Variants in RUNX1T1 observed in about 807,000 individuals in gnomAD.
RUNX1T1 encodes RUNX1 partner transcriptional co-repressor 1, also known as protein CBFA2T1.
A neutral mutation model predicts 62.8 loss-of-function variants in RUNX1T1; 4 were observed. That is an observed-to-expected ratio of 0.06 (90% CI 0.03 to 0.15). The LOEUF (loss-of-function observed/expected upper bound fraction) is 0.15. RUNX1T1 is among the 10% of genes least tolerant of loss of function. The pLI, the probability that RUNX1T1 is intolerant of heterozygous loss-of-function variation, is 1.00. For missense variants in RUNX1T1, 508 were observed against 754.3 expected (o/e 0.67, Z 3.82); for synonymous variants, 291 against 286.0 (o/e 1.02, Z -0.18).
chr8:91,997,242 A>G (rs1052525284), intron 5 of RUNX1T1, among the ~76,000 whole-genome samples: 1 of 152,208 alleles, frequency 6.6e-6, no homozygotes, highest in Non-Finnish European at 1.5e-5. Flanking sequence ...AACAGTGTAT[A>G]ACATTCAAGG....
At chr8:92,084,663 T>C (rs1488987341) in intron 1 of RUNX1T1, among the ~76,000 whole-genome samples, 2 of 152,160 alleles carry the variant, frequency 1.3e-5, no homozygotes, top group African/African-American at 4.8e-5. Context: ...GAGTTGGATG[T>C]AATAAATTCT....
chr8:91,960,126 A>C, exon 11 of RUNX1T1: 1 of 1,075,112 alleles, frequency 9.3e-7, no homozygotes, highest in Non-Finnish European at 1.3e-6. Flanking sequence ...GTACTGAAAT[A>C]GGATAATTCA....
chr8:91,997,902 T>C (rs1325223254), intron 5 of RUNX1T1, among the ~76,000 whole-genome samples: 1 of 152,196 alleles, frequency 6.6e-6, no homozygotes, highest in African/African-American at 2.4e-5. Context: ...TTACTTTATT[T>C]TATTCTTATA....
intron 1 of RUNX1T1, among the ~76,000 whole-genome samples, chr8:92,087,965 C>A (rs967572426): frequency 6.6e-6 from 1 of 152,182 alleles, no homozygotes; most frequent in African/African-American, 2.4e-5. Flanking sequence ...CATGAACTGA[C>A]CTACCTACCT....
Position 92,033,547 on chromosome 8 carries a change from C to T in RUNX1T1, c.8-16184G>A, listed in dbSNP as rs75343218. On this transcript the variant is annotated intron_variant, in intron 1 of 10. Coordinates refer to ENST00000396218, the Ensembl canonical transcript of RUNX1T1. ...TGCCTGTAATCTCGGCACTTTCGGA[C>T]GGTGAGGCGGGCTGATCACTTGAGC... is the stretch of plus-strand genomic sequence containing the variant. 1.0e-2 allele frequency among the ~76,000 whole-genome samples: 1,516 copies of T among 152,234 alleles called. 26 individuals are homozygous for T. Among genetic ancestry groups the T allele is most frequent in the African/African-American group, 0.035 (1,446 of 41,528 alleles).
At chr8:92,091,790 T>G (rs1234141250) in intron 1 of RUNX1T1, among the ~76,000 whole-genome samples, 1 of 152,214 alleles carries the variant, frequency 6.6e-6, no homozygotes. Flanking sequence ...CTTAAAAGCA[T>G]ACTTCTTTGG....
At chr8:92,019,440 A>C (rs1274927328) in intron 1 of RUNX1T1, among the ~76,000 whole-genome samples, 1 of 152,054 alleles carries the variant, frequency 6.6e-6, no homozygotes, top group African/African-American at 2.4e-5. Flanking sequence ...AAGTGGGAGT[A>C]ACAAAAAAAT....
intron 1 of RUNX1T1, among the ~76,000 whole-genome samples, chr8:92,027,441 A>G (rs935056567): frequency 9.2e-5 from 14 of 152,204 alleles, no homozygotes; most frequent in African/African-American, 1.2e-4. Flanking sequence ...GGGGAGCAGG[A>G]GGATTGTCTG....
upstream of RUNX1T1, among the ~76,000 whole-genome samples, chr8:92,066,971 G>A (rs1173320674): frequency 6.6e-6 from 1 of 152,176 alleles, no homozygotes; most frequent in African/African-American, 2.4e-5. Flanking sequence ...TTCCTTTGGG[G>A]GAAATGATTG....
At chr8:92,092,341 T>C (rs546978859) in intron 1 of RUNX1T1, among the ~76,000 whole-genome samples, 2 of 152,322 alleles carry the variant, frequency 1.3e-5, no homozygotes, top group South Asian at 4.1e-4. Flanking sequence ...CCAATTTTTC[T>C]CTATGTGGTG....
chr8:91,999,588 T>G (rs1819373262), intron 5 of RUNX1T1, among the ~76,000 whole-genome samples: 1 of 152,132 alleles, frequency 6.6e-6, no homozygotes, highest in Non-Finnish European at 1.5e-5. Flanking sequence ...AGGGTTAGAA[T>G]CCCATTAGGG....
intron 1 of RUNX1T1, among the ~76,000 whole-genome samples, chr8:92,029,368 C>T (rs1825825020): frequency 6.6e-6 from 1 of 152,070 alleles, no homozygotes; most frequent in Admixed American, 6.6e-5. Flanking sequence ...CAAGATAGAA[C>T]ACAGGCATTC....
chr8:92,073,366 C>T (rs1486951534), intron 2 of RUNX1T1, among the ~76,000 whole-genome samples: 1 of 152,060 alleles, frequency 6.6e-6, no homozygotes, highest in Non-Finnish European at 1.5e-5. Flanking sequence ...TCATTTCCCA[C>T]CCTCCTGCCC....
intron 1 of RUNX1T1, among the ~76,000 whole-genome samples, chr8:92,057,951 C>G (rs570578109): frequency 1.7e-4 from 26 of 152,168 alleles, no homozygotes; most frequent in Admixed American, 7.2e-4. Flanking sequence ...GAAGAACAAA[C>G]CAAAAAATGC....
intron 1 of RUNX1T1, among the ~76,000 whole-genome samples, chr8:92,058,278 G>A (rs1831365312): frequency 6.6e-6 from 1 of 152,144 alleles, no homozygotes; most frequent in Non-Finnish European, 1.5e-5. Flanking sequence ...ACTTTCTGTT[G>A]TCGTAGCCTT....
At chr8:92,025,174 C>T (rs1035692106) in intron 1 of RUNX1T1, among the ~76,000 whole-genome samples, 2 of 152,154 alleles carry the variant, frequency 1.3e-5, no homozygotes, top group African/African-American at 2.4e-5. Flanking sequence ...GACTCCCACC[C>T]GTCTCTGATA....
chr8:92,050,881 C>T (rs1257443129), intron 1 of RUNX1T1, among the ~76,000 whole-genome samples: 1 of 152,174 alleles, frequency 6.6e-6, no homozygotes, highest in Non-Finnish European at 1.5e-5. Flanking sequence ...CTGAACTTGG[C>T]TCAAGCTACC....
chr8:91,984,056 C>T (rs1816011291), intron 8 of RUNX1T1, among the ~76,000 whole-genome samples: 1 of 152,152 alleles, frequency 6.6e-6, no homozygotes, highest in African/African-American at 2.4e-5. Context: ...AAATTAAATG[C>T]TTGTACCCTT....
intron 10 of RUNX1T1, among the ~76,000 whole-genome samples, chr8:91,964,334 C>T (rs549688402): frequency 0.033 from 5,067 of 152,158 alleles, 110 homozygotes; most frequent in Middle Eastern, 0.054. Flanking sequence ...TGTCTCTGAA[C>T]TGCTTTAAGT....
Sources: allele counts gnomAD v4.1 joint callset (sites outside exome capture counted in the v4.1 genomes callset), GRCh38; gene constraint gnomAD v4.1.1; transcripts MANE v1.5; gene names NCBI Gene and HGNC (gene_info 2026-07-23, HGNC 2026-07-21).